The following KCNT2 variants were observed in gnomAD, a reference collection of about 807,000 sequenced individuals.
KCNT2 encodes the protein potassium channel subfamily T member 2.
In KCNT2, 67 loss-of-function variants were observed where a neutral mutation model predicts 153.8. That is an observed-to-expected ratio of 0.44 (90% CI 0.36 to 0.53). The LOEUF is 0.53. Among genes scored for constraint, KCNT2 ranks in the 20% least tolerant of loss-of-function variants. KCNT2 has a pLI of 0.00. For synonymous variants in KCNT2, 500 were observed against 458.8 expected (o/e 1.09, Z -1.15); for missense variants, 975 against 1,354.8 (o/e 0.72, Z 4.40).
intron 1 of KCNT2, among the ~76,000 whole-genome samples, chr1:196,574,921 C>T (rs559816925): frequency 8.6e-5 from 13 of 152,012 alleles, no homozygotes; most frequent in Admixed American, 3.3e-4. Flanking sequence ...CTGTTTTCAA[C>T]AAGTAACATG....
chr1:196,405,139 T>A (rs1671723768), intron 12 of KCNT2, among the ~76,000 whole-genome samples: 1 of 151,136 alleles, frequency 6.6e-6, no homozygotes, highest in African/African-American at 2.4e-5. Context: ...ATAATTAAAC[T>A]AACAAAGAAA....
At position 196,469,023 on chromosome 1, in the gene KCNT2, T is replaced by A; in HGVS notation, c.430A>T (p.Ile144Leu). Residue 144 changes from isoleucine (I) to leucine (L), a missense_variant, in exon 6 of 28, where the codon ATA becomes TTA. Ile to Leu is a conservative substitution (Grantham distance 5, BLOSUM62 2). This residue lies in a region of KCNT2 where 140 missense variants were observed against 216.0 expected (regional missense o/e 0.65). Transcript: ENST00000294725. ...QILRIPFILE[I>L]INAVPFIISI... is the part of the protein sequence containing the mutation. ...ATAATGAAGGGAACTGCATTAATTA[T>A]TTCCAAGATGAAGGGTATTCGTAAA... 2 of 1,603,060 alleles carry A rather than the reference T, an allele frequency of 1.2e-6. No individual in the cohort carries two copies. Among genetic ancestry groups the A allele is most frequent in the Non-Finnish European group, 1.7e-6 (2 of 1,172,766 alleles).
intron 1 of KCNT2, among the ~76,000 whole-genome samples, chr1:196,518,655 C>T (rs1231637316): frequency 2.0e-5 from 3 of 151,752 alleles, no homozygotes; most frequent in East Asian, 3.9e-4. Context: ...AGATTTTAAA[C>T]TAACAAACAA....
At chr1:196,246,945 C>T (rs1252751078) in intron 26 of KCNT2, among the ~76,000 whole-genome samples, 1 of 151,860 alleles carries the variant, frequency 6.6e-6, no homozygotes, top group African/African-American at 2.4e-5. Context: ...TCAATGAAAA[C>T]ATTGAATGTA....
At chr1:196,515,956 G>C (rs546188639) in intron 1 of KCNT2, among the ~76,000 whole-genome samples, 2 of 152,124 alleles carry the variant, frequency 1.3e-5, no homozygotes, top group Non-Finnish European at 2.9e-5. Context: ...TCCTACACCA[G>C]GGCCTTTAGT....
chr1:196,379,188 GAC>G lies in KCNT2; in HGVS notation c.1295-5942_1295-5941del, dbSNP rs768352226. Among the ~76,000 whole-genome samples the G allele has an allele frequency of 3.1e-4, 47 of 152,100 alleles. 1 individual carries two copies. Among genetic ancestry groups the G allele is most frequent in the Non-Finnish European group, 5.4e-4 (37 of 68,018 alleles). Reference sequence around the variant, plus strand: ...GCACAGCTTTGATTATGCAAAGAAGGACAACTCTTTATCAAATATAAATCTGT... The same window carrying G: ...GCACAGCTTTGATTATGCAAAGAAGGAACTCTTTATCAAATATAAATCTGT... On this transcript the variant is annotated intron_variant, in intron 13 of 27. Coordinates refer to ENST00000294725, the MANE Select transcript of KCNT2 (RefSeq NM_198503.5).
At chr1:196,451,794 T>C (rs1391969655) in intron 8 of KCNT2, among the ~76,000 whole-genome samples, 1 of 151,884 alleles carries the variant, frequency 6.6e-6, no homozygotes. Flanking sequence ...TTTACTGTTT[T>C]TTCTTTTACT....
intron 3 of KCNT2, among the ~76,000 whole-genome samples, chr1:196,486,367 C>T (rs182800818): frequency 6.6e-6 from 1 of 151,952 alleles, no homozygotes; most frequent in Admixed American, 6.6e-5. Context: ...TTTAGTTATT[C>T]TGAATTAGAC....
rs776455614 is a variant in KCNT2 at position 196,342,184 on chromosome 1, C to T, written c.1448G>A (p.Arg483Lys). 1.6e-5 allele frequency: 25 copies of T among 1,611,786 alleles called. No individual in the cohort carries two copies. Among genetic ancestry groups the T allele is most frequent in the Non-Finnish European group, 2.1e-5 (25 of 1,179,078 alleles). The change falls in exon 15 of 28, where the codon AGA (arginine) becomes AAA (lysine). Residue 483 changes from arginine (R) to lysine (K), a missense_variant. By Grantham distance (26) the Arg-to-Lys change is conservative (BLOSUM62 2). Coordinates refer to ENST00000294725, the MANE Select transcript of KCNT2 (RefSeq NM_198503.5). ...SPEQWQKMYG[R>K]CSGNEVYHIV... ...GTGGTAGACTTCATTCCCGGAGCAT[C>T]TACCGTACATCTTCTGCCATTGTTC...
At chr1:196,259,265 G>T (rs1201978566) in intron 25 of KCNT2, among the ~76,000 whole-genome samples, 3 of 152,074 alleles carry the variant, frequency 2.0e-5, no homozygotes, top group Non-Finnish European at 2.9e-5. Flanking sequence ...AGTCTATTAT[G>T]ACTTACTCTT....
chr1:196,393,458 A>T (rs1212255312), intron 13 of KCNT2, among the ~76,000 whole-genome samples: 1 of 151,704 alleles, frequency 6.6e-6, no homozygotes, highest in African/African-American at 2.4e-5. Flanking sequence ...ACTAGGAGAC[A>T]AACAGCAAAC....
chr1:196,299,514 C>T (rs961130040), intron 22 of KCNT2, among the ~76,000 whole-genome samples: 2 of 152,004 alleles, frequency 1.3e-5, no homozygotes, highest in African/African-American at 2.4e-5. Context: ...CTAATCATAA[C>T]GGAAATGTAA....
chr1:196,297,558 C>G (rs1273088862), intron 22 of KCNT2, among the ~76,000 whole-genome samples: 1 of 152,036 alleles, frequency 6.6e-6, no homozygotes, highest in Non-Finnish European at 1.5e-5. Flanking sequence ...AGATTGTTAT[C>G]CATATAAATT....
At chr1:196,243,261 A>T (rs1352951051) in intron 26 of KCNT2, among the ~76,000 whole-genome samples, 1 of 152,222 alleles carries the variant, frequency 6.6e-6, no homozygotes, top group Non-Finnish European at 1.5e-5. Flanking sequence ...AACATTTTTA[A>T]GAAGTGTTTT....
intron 1 of KCNT2, among the ~76,000 whole-genome samples, chr1:196,512,288 A>G (rs894352964): frequency 6.6e-6 from 1 of 152,128 alleles, no homozygotes; most frequent in Non-Finnish European, 1.5e-5. Context: ...TTTTGTAGCA[A>G]CACTCAAAAT....
chr1:196,505,742 T>C (rs2148780336), intron 1 of KCNT2, among the ~76,000 whole-genome samples: 1 of 152,146 alleles, frequency 6.6e-6, no homozygotes, highest in African/African-American at 2.4e-5. Flanking sequence ...CATTTCTTTG[T>C]ATCCTCTTTT....
At chr1:196,544,518 T>C (rs542766159) in intron 1 of KCNT2, among the ~76,000 whole-genome samples, 32 of 152,160 alleles carry the variant, frequency 2.1e-4, no homozygotes, top group African/African-American at 7.5e-4. Context: ...TAATATATAC[T>C]TCAACTTCTA....
At chr1:196,535,695 C>G (rs573231370) in intron 1 of KCNT2, among the ~76,000 whole-genome samples, 12 of 152,272 alleles carry the variant, frequency 7.9e-5, no homozygotes, top group South Asian at 2.1e-4. Flanking sequence ...GAATCATAGA[C>G]AGTTTCATCA....
At chr1:196,393,353 G>A (rs1670648229) in intron 13 of KCNT2, among the ~76,000 whole-genome samples, 2 of 151,584 alleles carry the variant, frequency 1.3e-5, no homozygotes, top group South Asian at 4.2e-4. Context: ...ACTTTATTGG[G>A]AAGATAGAGA....
Sources: gnomAD v4.1 joint callset for allele counts (sites outside exome capture counted in the v4.1 genomes callset) on GRCh38, gnomAD v4.1.1 for gene constraint, gnomAD v4.1.1 regional missense constraint, MANE v1.5 for transcripts, NCBI Gene and HGNC (gene_info 2026-07-23, HGNC 2026-07-21) for gene names.